FGF12: variants seen among roughly 807,000 people sequenced by gnomAD.
The protein encoded by FGF12 is fibroblast growth factor 12B.
Under a neutral mutation model 23.6 loss-of-function variants are expected in FGF12, and 14 were observed. That is an observed-to-expected ratio of 0.59 (90% CI 0.39 to 0.93). FGF12 has a LOEUF of 0.93. Among genes scored for constraint, FGF12 ranks in the 40% least tolerant of loss-of-function variants. The pLI is 0.00. For missense variants in FGF12, 175 were observed against 217.8 expected (o/e 0.80, Z 1.24); for synonymous variants, 62 against 77.3 (o/e 0.80, Z 1.04).
intron 2 of FGF12, among the ~76,000 whole-genome samples, chr3:192,689,860 A>C (rs1340931462): frequency 1.2e-4 from 18 of 152,044 alleles, no homozygotes; most frequent in Admixed American, 1.2e-3. Context: ...ACCAAGATAC[A>C]TTACAATAAA....
chr3:192,542,969 C>T lies in FGF12; in HGVS notation c.14-182431G>A, dbSNP rs1402852339. ...GGTCAGACCTGAAACTAGTATGGTA[C>T]TGGGGTCTCACCCAAGGGCTGTGGT... On this transcript the variant is annotated intron_variant, in intron 2 of 5. Coordinates refer to ENST00000445105, the MANE Select transcript of FGF12 (RefSeq NM_004113.6). 2.6e-5 allele frequency among the ~76,000 whole-genome samples: 4 copies of T among 152,150 alleles called. No homozygotes were observed. In the East Asian group the frequency reaches 5.8e-4, roughly 22 times the overall value.
At position 192,394,933 on chromosome 3, in the gene FGF12, G is replaced by A. The variant is rs752299862; in HGVS notation, c.14-34395C>T. On this transcript the variant is annotated intron_variant, in intron 2 of 5. Transcript: ENST00000445105. The stretch of plus-strand genomic sequence containing the variant: ...ATACTGTATTTCCCCATCACTTAGC[G>A]CTTCACCAGAGAAAGTGAACCCAGA... Among the ~76,000 whole-genome samples the A allele has an allele frequency of 1.6e-4, 25 of 152,214 alleles. No homozygotes were observed. In the Middle Eastern group the frequency reaches 0.01, roughly 62 times the overall value.
At chr3:192,643,638 C>T (rs1715886795) in intron 2 of FGF12, among the ~76,000 whole-genome samples, 1 of 152,176 alleles carries the variant, frequency 6.6e-6, no homozygotes, top group Non-Finnish European at 1.5e-5. Context: ...GGCTCTGCTT[C>T]CTTGAATTCT....
Position 192,336,574 on chromosome 3 carries a change from C to T in FGF12, c.125-1110G>A, listed in dbSNP as rs990071293. Among the ~76,000 whole-genome samples the T allele has an allele frequency of 2.6e-5, 4 of 152,126 alleles. No homozygotes were observed. Among genetic ancestry groups the T allele is most frequent in the African/African-American group, 9.7e-5 (4 of 41,442 alleles). On this transcript the variant is annotated intron_variant, in intron 3 of 5. Coordinates refer to ENST00000445105, the MANE Select transcript of FGF12 (RefSeq NM_004113.6). The surrounding 1 kb of genome is among the most constrained non-coding windows in gnomAD (Gnocchi z 4.3). ...ACATGGAGATGAATTAAGTATCTCA[C>T]GGCTGTATGCATAAGAGAATATCTC...
chr3:192,337,868 T>C (rs1445208503), intron 3 of FGF12, among the ~76,000 whole-genome samples: 1 of 152,200 alleles, frequency 6.6e-6, no homozygotes, highest in Non-Finnish European at 1.5e-5. Flanking sequence ...TTTTTTAGTT[T>C]ATATTCAGCA....
At chr3:192,485,035 A>G (rs1266617759) in intron 2 of FGF12, among the ~76,000 whole-genome samples, 1 of 149,208 alleles carries the variant, frequency 6.7e-6, no homozygotes, top group East Asian at 1.9e-4. Context: ...TGTACACATA[A>G]ATTTTAAAAT....
At chr3:192,415,797 G>A (rs2108781043) in intron 2 of FGF12, among the ~76,000 whole-genome samples, 1 of 142,370 alleles carries the variant, frequency 7.0e-6, no homozygotes, top group Non-Finnish European at 1.5e-5. Context: ...CAGAAGAAAA[G>A]GAATATAATA....
At chr3:192,378,028 T>TC (rs10685325) in intron 2 of FGF12, among the ~76,000 whole-genome samples, 5,501 of 81,106 alleles carry the variant, frequency 0.068, 546 homozygotes, top group African/African-American at 0.087. Flanking sequence ...ACTCTTTCTT[T>TC]TCTTTCTTTC....
chr3:192,204,464 C>T (rs1360264370), intron 4 of FGF12, among the ~76,000 whole-genome samples: 1 of 152,166 alleles, frequency 6.6e-6, no homozygotes, highest in African/African-American at 2.4e-5. Context: ...ATTTTAGTCA[C>T]ACTTTACTGA....
intron 2 of FGF12, among the ~76,000 whole-genome samples, chr3:192,618,394 T>C (rs1317248444): frequency 2.6e-5 from 4 of 152,100 alleles, no homozygotes; most frequent in Non-Finnish European, 5.9e-5. Flanking sequence ...TCTGGCAGAT[T>C]AGTGCCATTT....
At chr3:192,272,971 A>G (rs1713542471) in intron 4 of FGF12, among the ~76,000 whole-genome samples, 2 of 152,204 alleles carry the variant, frequency 1.3e-5, no homozygotes, top group Admixed American at 6.5e-5. Flanking sequence ...ATAGATGAGA[A>G]GAAAATGGTG....
chr3:192,415,979 T>C (rs1289049422), intron 2 of FGF12, among the ~76,000 whole-genome samples: 1 of 152,120 alleles, frequency 6.6e-6, no homozygotes, highest in African/African-American at 2.4e-5. Context: ...CATTTCTAAA[T>C]TTAGATTCCA....
intron 2 of FGF12, among the ~76,000 whole-genome samples, chr3:192,565,018 T>C (rs1221902092): frequency 6.6e-6 from 1 of 152,218 alleles, no homozygotes; most frequent in East Asian, 1.9e-4. Flanking sequence ...GTTATCTACA[T>C]AAAACATTTT....
rs77029451 is a variant in FGF12 at position 192,224,305 on chromosome 3, G to A, written c.229-53649C>T. On this transcript the variant is annotated intron_variant, in intron 4 of 5. Coordinates refer to ENST00000445105, the MANE Select transcript of FGF12 (RefSeq NM_004113.6). The stretch of plus-strand genomic sequence containing the variant: ...ATTTATTTAAATACTTTCTACTCCA[G>A]TCCTTCGAAAACAAACGTGAAGGAT... Among the ~76,000 whole-genome samples the A allele has an allele frequency of 5.4e-3, 820 of 152,144 alleles. 4 individuals carry two copies. Among genetic ancestry groups the A allele is most frequent in the African/African-American group, 0.019 (800 of 41,506 alleles).
chr3:192,648,352 T>C (rs770147622), intron 2 of FGF12, among the ~76,000 whole-genome samples: 1 of 152,138 alleles, frequency 6.6e-6, no homozygotes, highest in Non-Finnish European at 1.5e-5. Flanking sequence ...ATTTTTGTCA[T>C]TGTTTTTTGT....
chr3:192,433,731 G>A (rs1413102480), intron 2 of FGF12, among the ~76,000 whole-genome samples: 1 of 152,146 alleles, frequency 6.6e-6, no homozygotes, highest in Admixed American at 6.5e-5. Context: ...AACAAACTCA[G>A]TTTCCTTGAT....
At chr3:192,238,819 G>C (rs1719446617) in intron 4 of FGF12, 1 of 152,098 alleles carries the variant, frequency 6.6e-6, no homozygotes, top group East Asian at 1.9e-4. Context: ...AATCCTCCTG[G>C]AGCACATTAT....
intron 2 of FGF12, among the ~76,000 whole-genome samples, chr3:192,512,839 TATATA>T (rs1724525596): frequency 4.3e-5 from 1 of 23,142 alleles, no homozygotes; most frequent in East Asian, 5.4e-3. Context: ...CAAATAAATA[TATATA>T]TATATATATA....
chr3:192,672,057 G>A (rs557982252), intron 2 of FGF12, among the ~76,000 whole-genome samples: 189 of 152,304 alleles, frequency 1.2e-3, no homozygotes, highest in African/African-American at 4.3e-3. Context: ...TAACAGCCAA[G>A]CCAGCACTAG....
Sources: allele counts gnomAD v4.1 joint callset (sites outside exome capture counted in the v4.1 genomes callset), GRCh38; gene constraint gnomAD v4.1.1; non-coding constraint Gnocchi (gnomAD v3.1); transcripts MANE v1.5; gene names NCBI Gene and HGNC (gene_info 2026-07-23, HGNC 2026-07-21).